TBC1D12: variants seen among roughly 807,000 people sequenced by gnomAD.
The protein encoded by TBC1D12 is TBC1 domain family member 12.
A neutral mutation model predicts 86.7 loss-of-function variants in TBC1D12; 56 were observed. The observed-to-expected ratio is 0.65, with a 90% confidence interval of 0.52 to 0.81. The LOEUF (loss-of-function observed/expected upper bound fraction) is 0.81. Ranked by LOEUF, TBC1D12 falls within the 30% of genes least tolerant of loss-of-function variation. TBC1D12 has a pLI of 0.00. For missense variants in TBC1D12, 1,023 were observed against 1,038.8 expected, an observed-to-expected ratio of 0.98 and a Z score of 0.21; for synonymous variants, 421 against 411.7, an observed-to-expected ratio of 1.02 and a Z score of -0.27.
chr10:94,453,094 G>A (rs1303976919), intron 2 of TBC1D12, among the ~76,000 whole-genome samples: 4 of 152,132 alleles, frequency 2.6e-5, no homozygotes, highest in African/African-American at 4.8e-5. Context: ...TGATATACAG[G>A]TCTTTTGCTC....
In TBC1D12 at chr10:94,420,049, C is replaced by A. The variant is rs190327897; in HGVS notation, c.971+16465C>A. On this transcript the variant is annotated intron_variant, in intron 1 of 12. Coordinates refer to ENST00000225235, the MANE Select transcript of TBC1D12 (RefSeq NM_015188.2). ...TGTGGACCGAATGTTTGTGTCCCTC[C>A]AAAATTCATGTGCTGAAGGCCTAAT... Among the ~76,000 whole-genome samples, 9 of 152,262 alleles carry A rather than the reference C, an allele frequency of 5.9e-5. No homozygotes were observed. The East Asian group carries it at 1.5e-3, about 26-fold the overall frequency.
At position 94,455,412 on chromosome 10, in the gene TBC1D12, G is replaced by A. The variant is rs190359564; in HGVS notation, c.1095+13393G>A. Among the ~76,000 whole-genome samples, 67 of 152,228 alleles carry A rather than the reference G, an allele frequency of 4.4e-4. 1 individual carries two copies. Among genetic ancestry groups the A allele is most frequent in the Non-Finnish European group, 8.1e-4 (55 of 68,012 alleles). The stretch of plus-strand genomic sequence containing the variant: ...GTAATGCTGGCTTCAGATAATGAGT[G>A]AGGAAGTATTTCCTCTCCATCTGTC... On this transcript the variant is annotated intron_variant, in intron 2 of 12. Transcript: ENST00000225235.
At chr10:94,523,101 G>A (rs1253892807) in intron 11 of TBC1D12, among the ~76,000 whole-genome samples, 1 of 137,470 alleles carries the variant, frequency 7.3e-6, no homozygotes, top group Non-Finnish European at 1.5e-5. Flanking sequence ...GCTGCAGCAG[G>A]ACAATTGTTG....
chr10:94,492,678 CAA>C (rs546012961), intron 3 of TBC1D12, among the ~76,000 whole-genome samples: 225 of 152,154 alleles, frequency 1.5e-3, no homozygotes, highest in African/African-American at 5.2e-3. Flanking sequence ...AAGCCAGACA[CAA>C]GAGTCTATAA....
At chr10:94,462,483 G>A (rs543237710) in intron 2 of TBC1D12, among the ~76,000 whole-genome samples, 21 of 152,238 alleles carry the variant, frequency 1.4e-4, no homozygotes, top group African/African-American at 3.4e-4. Context: ...CCTTAAGGGG[G>A]CAAAGTCAAC....
chr10:94,431,589 T>C (rs758858868), intron 1 of TBC1D12, among the ~76,000 whole-genome samples: 14 of 152,150 alleles, frequency 9.2e-5, no homozygotes, highest in African/African-American at 3.1e-4. Flanking sequence ...AGAGAAAAGA[T>C]AGGAAAACAA....
At chr10:94,456,592 A>G (rs1418504926) in intron 2 of TBC1D12, among the ~76,000 whole-genome samples, 1 of 152,194 alleles carries the variant, frequency 6.6e-6, no homozygotes, top group African/African-American at 2.4e-5. Context: ...CCTAGAATGT[A>G]GTCTGTATTG....
intron 2 of TBC1D12, among the ~76,000 whole-genome samples, chr10:94,463,231 C>A (rs1420086934): frequency 6.6e-6 from 1 of 152,116 alleles, no homozygotes; most frequent in East Asian, 1.9e-4. Context: ...GTGTCTCAGT[C>A]CATTTTCCGT....
rs1488381985 is a variant in TBC1D12 at position 94,535,822 on chromosome 10, G to A, written c.*2726G>A. 6.6e-6 allele frequency: 1 copy of A among 151,988 alleles called. No homozygotes were observed. The highest frequency in any genetic ancestry group is 2.4e-5 in the African/African-American group (1 of 41,384). 9.4% of individuals were successfully genotyped at this position (151,988 alleles called of 1,614,324 possible). ...TTTCTTATTTTTTTATTATTGTACAGTTTCTTTACCTTTCAAGTATAAATG... is the reference window on the plus strand; with the variant it reads ...TTTCTTATTTTTTTATTATTGTACAATTTCTTTACCTTTCAAGTATAAATG... On this transcript the variant is annotated 3_prime_UTR_variant, in exon 13 of 13. Transcript: ENST00000225235.
intron 1 of TBC1D12, among the ~76,000 whole-genome samples, chr10:94,414,838 G>GA (rs2054977881): frequency 6.6e-6 from 1 of 152,120 alleles, no homozygotes; most frequent in East Asian, 1.9e-4. Context: ...GACCTGAAGT[G>GA]ATCCGCCCAC....
At chr10:94,497,888 TCTCGG>T (rs1162861175) in intron 5 of TBC1D12, among the ~76,000 whole-genome samples, 4 of 147,168 alleles carry the variant, frequency 2.7e-5, no homozygotes, top group African/African-American at 7.5e-5. Context: ...AGTGGCACAA[TCTCGG>T]CTCACTGCAA....
In TBC1D12 at chr10:94,522,059, C is replaced by CT; in HGVS notation, c.1872dup (p.Arg625SerfsTer15). The CT allele has an allele frequency of 6.2e-7, 1 of 1,612,312 alleles. No homozygotes were observed. Among genetic ancestry groups the CT allele is most frequent in the Non-Finnish European group, 8.5e-7 (1 of 1,178,904 alleles). ...TCCTGAATAAGCCATGCCAGTTGGC[C>CT]TTTTTTCGTGTGGATCACAGCATGG... On this transcript the variant is annotated frameshift_variant, in exon 10 of 13. Transcript: ENST00000225235. LOFTEE classifies it high-confidence loss of function.
chr10:94,493,190 C>T (rs544994163), intron 3 of TBC1D12, among the ~76,000 whole-genome samples, 175 bp from the exon 4 acceptor site: 1 of 151,972 alleles, frequency 6.6e-6, no homozygotes, highest in African/African-American at 2.4e-5. Flanking sequence ...TATTAACAAC[C>T]TGGATTCTGA....
intron 5 of TBC1D12, among the ~76,000 whole-genome samples, chr10:94,497,686 ATT>A (rs11352922): frequency 0.032 from 4,600 of 142,884 alleles, 110 homozygotes; most frequent in Middle Eastern, 0.15. Context: ...CGCCTGGCTA[ATT>A]TTTTTTTTTT....
intron 2 of TBC1D12, among the ~76,000 whole-genome samples, chr10:94,470,031 G>T (rs78833356): frequency 0.011 from 1,706 of 152,172 alleles, 38 homozygotes; most frequent in African/African-American, 0.037. Flanking sequence ...AGAATTTTTG[G>T]TTTTTTTGCC....
chr10:94,500,130 C>G, intron 5 of TBC1D12, 91 bp from the exon 6 acceptor site: 3 of 1,127,636 alleles, frequency 2.7e-6, no homozygotes, highest in Non-Finnish European at 3.8e-6. Context: ...GATTTGATCA[C>G]TTGGCCATAG....
At chr10:94,522,500 T>C in intron 11 of TBC1D12, 47 bp downstream of exon 11, 1 of 840,486 alleles carries the variant, frequency 1.2e-6, no homozygotes, top group Middle Eastern at 2.3e-4. Context: ...GGAAATAAAG[T>C]ATAACTTTTT....
At chr10:94,419,032 G>A (rs1235299671) in intron 1 of TBC1D12, among the ~76,000 whole-genome samples, 7 of 151,866 alleles carry the variant, frequency 4.6e-5, no homozygotes, top group Admixed American at 2.0e-4. Flanking sequence ...ACGCCACCAC[G>A]CCCAGCTATT....
chr10:94,427,833 CAAAAAAAAAAAA>C (rs71031576), intron 1 of TBC1D12, among the ~76,000 whole-genome samples: 2 of 67,048 alleles, frequency 3.0e-5, no homozygotes, highest in Non-Finnish European at 5.3e-5. Flanking sequence ...CCCTGTCTCA[CAAAAAAAAAAAA>C]AAAAAAAAAA....
Sources: gnomAD v4.1 joint callset for allele counts (sites outside exome capture counted in the v4.1 genomes callset) on GRCh38, gnomAD v4.1.1 for gene constraint, MANE v1.5 for transcripts, NCBI Gene and HGNC (gene_info 2026-07-23, HGNC 2026-07-21) for gene names.